Variants in ADGRG5 observed in about 807,000 individuals in gnomAD.
The protein encoded by ADGRG5 is adhesion G protein-coupled receptor G5, also known as G protein-coupled receptor 114.
A neutral mutation model predicts 53.2 loss-of-function variants in ADGRG5; 37 were observed. The observed-to-expected ratio is 0.70, with a 90% confidence interval of 0.53 to 0.91. ADGRG5 has a LOEUF of 0.91. ADGRG5 is among the 40% of genes least tolerant of loss of function. The probability of loss-of-function intolerance (pLI) is 0.00; values close to 1 mark genes in which losing one functional copy is unlikely to be tolerated. For missense variants in ADGRG5, 614 were observed against 675.8 expected (o/e 0.91, Z 1.01); for synonymous variants, 277 against 290.4 (o/e 0.95, Z 0.47).
At position 57,576,493 on chromosome 16, in the gene ADGRG5, C is replaced by CCTTA. The variant is rs1287404574; in HGVS notation, c.*957_*960dup. Reference sequence around the variant, plus strand: ...TCAGGCCATAGTTTCAGAGAATCACCCTTACCCCAGACCTTCATGAGACAG... The same window carrying CCTTA: ...TCAGGCCATAGTTTCAGAGAATCACCCTTACTTACCCCAGACCTTCATGAGACAG... On this transcript the variant is annotated 3_prime_UTR_variant, in exon 12 of 12. Coordinates refer to ENST00000349457, the MANE Select transcript of ADGRG5 (RefSeq NM_001304376.3). 6.6e-6 allele frequency: 1 copy of CCTTA among 152,080 alleles called. No individual in the cohort carries two copies. The highest frequency in any genetic ancestry group is 2.4e-5 in the African/African-American group (1 of 41,412). 9.4% of individuals were successfully genotyped at this position (152,080 alleles called of 1,614,324 possible).
At chr16:57,546,903 G>C (rs766532289) in intron 1 of ADGRG5, among the ~76,000 whole-genome samples, 4 of 152,090 alleles carry the variant, frequency 2.6e-5, no homozygotes, top group Non-Finnish European at 5.9e-5. Context: ...TAGAGATGGG[G>C]GTCTTGCTGT....
In ADGRG5 at chr16:57,567,882, T is replaced by C. The variant is rs114187078; in HGVS notation, c.848T>C (p.Ile283Thr). Residue 283 changes from isoleucine to threonine, a missense_variant, in exon 9 of 12, where the codon ATC (isoleucine) becomes ACC (threonine). Physicochemically the swap from Ile to Thr is moderately conservative, Grantham distance 89. Coordinates refer to ENST00000349457, the MANE Select transcript of ADGRG5 (RefSeq NM_001304376.3). The part of the protein sequence containing the change: ...FRKQSDSLTR[I>T]HMNLHASVLL... ...AAGCAGAGTGACTCCTTAACACGCA[T>C]CCACATGAACCTGCATGCCTCCGTG... 3.1e-6 allele frequency: 5 copies of C among 1,612,174 alleles called. No homozygotes were observed. In the East Asian group the frequency reaches 8.9e-5, roughly 29 times the overall value.
intron 1 of ADGRG5, among the ~76,000 whole-genome samples, chr16:57,558,372 A>G (rs2032928172): frequency 6.6e-6 from 1 of 152,230 alleles, no homozygotes; most frequent in Non-Finnish European, 1.5e-5. Flanking sequence ...TGAGGACTTG[A>G]GTCCCACAGG....
chr16:57,537,929 A>T (rs752266151), upstream of ADGRG5, among the ~76,000 whole-genome samples: 1 of 152,160 alleles, frequency 6.6e-6, no homozygotes, highest in Non-Finnish European at 1.5e-5. Context: ...AGCTGAGGAA[A>T]TGAAGGCTCA....
chr16:57,566,432 G>T, intron 6 of ADGRG5, 167 bp from the exon 7 acceptor site: 1 of 532,102 alleles, frequency 1.9e-6, no homozygotes, highest in Admixed American at 3.4e-5. Flanking sequence ...AGAGCCCACA[G>T]TGGAGGTGGG....
In ADGRG5 at chr16:57,547,477, G is replaced by A. The variant is rs375083319; in HGVS notation, c.-39+4776G>A. 1.1e-4 allele frequency among the ~76,000 whole-genome samples: 16 copies of A among 152,176 alleles called. No individual in the cohort carries two copies. In the East Asian group the frequency reaches 1.4e-3, roughly 13 times the overall value. ...TTTGTTTTTTTTGAGACGGAGTCTC[G>A]CTCTGTGGCCAGGCTGGAGTGCAGT... On this transcript the variant is annotated intron_variant, in intron 1 of 11. Transcript: ENST00000349457.
chr16:57,530,472 A>G, the ADGRG5 span, among the ~76,000 whole-genome samples: 12,249 of 152,190 alleles, frequency 0.08, 649 homozygotes, highest in East Asian at 0.19. Flanking sequence ...TTTCTGAGTG[A>G]TCAGTGTACT....
Position 57,544,019 on chromosome 16 carries a change from T to G in ADGRG5, c.-39+1318T>G, listed in dbSNP as rs150049825. Among the ~76,000 whole-genome samples the G allele has an allele frequency of 2.1e-3, 320 of 152,336 alleles. 1 individual carries two copies. Among genetic ancestry groups the G allele is most frequent in the African/African-American group, 6.5e-3 (269 of 41,578 alleles). On this transcript the variant is annotated intron_variant, in intron 1 of 11. Transcript: ENST00000349457. Reference sequence around the variant, plus strand: ...ACTGCAACTGGTTATCAAATTCTCATCTTCCAAAGGCTCTGTCCTGTGCTC... The same window carrying G: ...ACTGCAACTGGTTATCAAATTCTCAGCTTCCAAAGGCTCTGTCCTGTGCTC...
At chr16:57,565,306 T>G in intron 6 of ADGRG5, 156 bp downstream of exon 6, 1 of 647,912 alleles carries the variant, frequency 1.5e-6, no homozygotes, top group Non-Finnish European at 2.8e-6. Flanking sequence ...GAGAGAAGTT[T>G]TTACTCATGC....
At chr16:57,565,184 C>T in intron 6 of ADGRG5, 34 bp downstream of exon 6, 1 of 1,278,704 alleles carries the variant, frequency 7.8e-7, no homozygotes, top group Non-Finnish European at 1.1e-6. Flanking sequence ...TCCACTGCAC[C>T]CCTGCCCCTC....
At chr16:57,531,962 C>T in the ADGRG5 span, among the ~76,000 whole-genome samples, 1 of 152,186 alleles carries the variant, frequency 6.6e-6, no homozygotes, top group African/African-American at 2.4e-5. Context: ...TGCTGCTCAG[C>T]GACCCCGCTG....
chr16:57,562,723 T>A (rs1374921315), intron 3 of ADGRG5: 1 of 549,144 alleles, frequency 1.8e-6, no homozygotes, highest in East Asian at 3.1e-5. Flanking sequence ...GGGAAGGGGG[T>A]CTAAGATTCT....
intron 10 of ADGRG5, among the ~76,000 whole-genome samples, chr16:57,572,521 A>G (rs2033391103): frequency 6.6e-6 from 1 of 151,982 alleles, no homozygotes; most frequent in Non-Finnish European, 1.5e-5. Context: ...GAGAAATCCC[A>G]TCTTTACTAA....
At chr16:57,565,346 A>G (rs2033108263) in intron 6 of ADGRG5, 196 bp downstream of exon 6, 1 of 599,312 alleles carries the variant, frequency 1.7e-6, no homozygotes, top group Non-Finnish European at 3.0e-6. Context: ...GTTGCAAGTA[A>G]GAAAAGACCA....
chr16:57,572,925 G>T (rs1227434101), intron 10 of ADGRG5, among the ~76,000 whole-genome samples: 4 of 152,234 alleles, frequency 2.6e-5, no homozygotes, highest in African/African-American at 9.6e-5. Context: ...GATTGTGACA[G>T]TTAGGGGCTC....
At position 57,575,599 on chromosome 16, in the gene ADGRG5, C is replaced by A; in HGVS notation, c.*61C>A. 1 of 1,364,112 alleles carries A rather than the reference C, an allele frequency of 7.3e-7. No individual in the cohort carries two copies. The highest frequency in any genetic ancestry group is 1.0e-6 in the Non-Finnish European group (1 of 957,776). 84.5% of individuals were successfully genotyped at this position (1,364,112 alleles called of 1,614,324 possible). A position where few individuals can be genotyped will look rare whatever the true frequency, so the allele number is the denominator to read the frequency against. On this transcript the variant is annotated 3_prime_UTR_variant, in exon 12 of 12. Coordinates refer to ENST00000349457, the MANE Select transcript of ADGRG5 (RefSeq NM_001304376.3). ...GGCCGCCAGTAGCCTGAGGCTACGG[C>A]TCCTGCTAGAGAGGGTGGCAGGCCT...
chr16:57,542,979 A>T (rs2032523210), intron 1 of ADGRG5: 1 of 152,320 alleles, frequency 6.6e-6, no homozygotes, highest in South Asian at 2.1e-4. Flanking sequence ...GAGGTCTGGG[A>T]CAAGTGAAGA....
chr16:57,566,929 G>A (rs764260368), intron 7 of ADGRG5, among the ~76,000 whole-genome samples, 178 bp downstream of exon 7: 13 of 152,212 alleles, frequency 8.5e-5, no homozygotes, highest in Non-Finnish European at 1.5e-4. Flanking sequence ...CTTCAGGCAT[G>A]GCTTGATCCA....
At chr16:57,537,244 C>T in the ADGRG5 span, among the ~76,000 whole-genome samples, 3 of 152,094 alleles carry the variant, frequency 2.0e-5, no homozygotes, top group African/African-American at 4.8e-5. Context: ...TGTTTGTGGT[C>T]TTGACTGGAA....
Sources: allele counts gnomAD v4.1 joint callset (sites outside exome capture counted in the v4.1 genomes callset), GRCh38; gene constraint gnomAD v4.1.1; transcripts MANE v1.5; gene names NCBI Gene and HGNC (gene_info 2026-07-23, HGNC 2026-07-21).